The following RNF25 variants were observed in gnomAD, a reference collection of about 807,000 sequenced individuals.
The protein encoded by RNF25 is ring finger protein 25.
A neutral mutation model predicts 65.0 loss-of-function variants in RNF25; 32 were observed. That is an observed-to-expected ratio of 0.49 (90% CI 0.37 to 0.66). RNF25 has a LOEUF of 0.66. Ranked by LOEUF, RNF25 falls within the 30% of genes least tolerant of loss-of-function variation. RNF25 has a pLI of 0.00. For synonymous variants in RNF25, 207 were observed against 221.2 expected (o/e 0.94, Z 0.57); for missense variants, 493 against 584.8 (o/e 0.84, Z 1.62).
intron 7 of RNF25, among the ~76,000 whole-genome samples, chr2:218,665,646 G>T (rs1939807158): frequency 6.6e-6 from 1 of 151,640 alleles, no homozygotes; most frequent in Admixed American, 6.6e-5. Flanking sequence ...GGGAGGCTGA[G>T]GCAGAAGGAT....
chr2:218,668,229 G>C lies in RNF25; in HGVS notation c.219+10C>G. ...TTCCTCCCTTTGCTGCCACACAGTA[G>C]GGGCTTCACCTCTGCTGGGACCTGA... On this transcript the variant is annotated intron_variant, in intron 3 of 9. Transcript: ENST00000295704. 6.2e-7 allele frequency: 1 copy of C among 1,613,684 alleles called. No individual in the cohort carries two copies. Among genetic ancestry groups the C allele is most frequent in the Non-Finnish European group, 8.5e-7 (1 of 1,179,578 alleles).
In RNF25 at chr2:218,665,998, C is replaced by T. The variant is rs938016747; in HGVS notation, c.491G>A (p.Arg164Gln). The change falls in exon 7 of 10, where the codon CGG (arginine) becomes CAG (glutamine). Residue 164 changes from arginine to glutamine, a missense_variant. Arg to Gln is a conservative substitution (Grantham distance 43, BLOSUM62 1). This residue lies in a region of RNF25 where 351 missense variants were observed against 400.2 expected (regional missense o/e 0.88). Coordinates refer to ENST00000295704, the MANE Select transcript of RNF25 (RefSeq NM_022453.3). ...YHYFHCHCLA[R>Q]YIQHMEQELK... Reference sequence around the variant, plus strand: ...CTCTTGCTCCATGTGCTGGATGTACCGAGCAAGGCAGTGGCAGTGGAAGTA... The same window carrying T: ...CTCTTGCTCCATGTGCTGGATGTACTGAGCAAGGCAGTGGCAGTGGAAGTA... The T allele has an allele frequency of 1.9e-6, 3 of 1,614,070 alleles. No homozygotes were observed. Among genetic ancestry groups the T allele is most frequent in the South Asian group, 1.1e-5 (1 of 91,082 alleles).
At position 218,664,532 on chromosome 2, in the gene RNF25, G is replaced by A. The variant is rs1248361083; in HGVS notation, c.805C>T (p.Pro269Ser). The A allele has an allele frequency of 1.2e-6, 2 of 1,611,680 alleles. No homozygotes were observed. Among genetic ancestry groups the A allele is most frequent in the East Asian group, 2.2e-5 (1 of 44,856 alleles). Reference sequence around the variant, plus strand: ...GCTGACTCAGGTTCCGCAGGGGCAGGAGGCTAGAAATAAGTGACAAGATGC... The same window carrying A: ...GCTGACTCAGGTTCCGCAGGGGCAGAAGGCTAGAAATAAGTGACAAGATGC... The part of the protein sequence containing the change: ...NRYFISLQQP[P>S]APAEPESAVD... Residue 269 changes from proline (P) to serine (S), a missense_variant, in exon 10 of 10, where the codon CCT becomes TCT. Pro to Ser is a moderately conservative substitution (Grantham distance 74, BLOSUM62 -1). This residue lies in a region of RNF25 where 351 missense variants were observed against 400.2 expected (regional missense o/e 0.88). Transcript: ENST00000295704. This position sits in a 1 kb window ranked among gnomAD's most constrained non-coding sequence, Gnocchi z 5.1.
In RNF25 at chr2:218,664,239, G is replaced by T. The variant is rs1305047664; in HGVS notation, c.1098C>A (p.Thr366=). 1 of 1,600,312 alleles carries T rather than the reference G, an allele frequency of 6.2e-7. No individual in the cohort carries two copies. The highest frequency in any genetic ancestry group is 1.3e-5 in the African/African-American group (1 of 74,294). ...GAGGTGGCAGTTCCTGGGTGTCACG[G>T]GTACCTTTAGGGGCGTGGCACTCCC... ...KGGECHAPKG[T]RDTQELPPPE... The change falls in exon 10 of 10, where the codon ACC becomes ACA. Residue 366 remains threonine, a synonymous_variant. Transcript: ENST00000295704. The surrounding 1 kb of genome is among the most constrained non-coding windows in gnomAD (Gnocchi z 5.1).
At chr2:218,667,165 C>CA (rs555032127) in intron 5 of RNF25, among the ~76,000 whole-genome samples, 1,156 of 84,586 alleles carry the variant, frequency 0.014, 12 homozygotes, top group African/African-American at 0.03. Context: ...AAGACTGTCT[C>CA]AAAAAAAAAA....
chr2:218,667,482 C>T (rs986828913), intron 5 of RNF25, among the ~76,000 whole-genome samples: 2 of 151,840 alleles, frequency 1.3e-5, no homozygotes, highest in Non-Finnish European at 2.9e-5. Flanking sequence ...TCCCAAGTAA[C>T]TGGGATTACA....
rs1445958280 is a variant in RNF25, at chr2:218,664,654, C to A, written c.801+85G>T. On this transcript the variant is annotated intron_variant, in intron 9 of 9. Transcript: ENST00000295704. This position sits in a 1 kb window ranked among gnomAD's most constrained non-coding sequence, Gnocchi z 5.1. Reference sequence around the variant, plus strand: ...CAGCCTATCATCTTCCTGGTTAGAACAAAGCTCACTCTGGGGCCATGGCTG... The same window carrying A: ...CAGCCTATCATCTTCCTGGTTAGAAAAAAGCTCACTCTGGGGCCATGGCTG... 5.6e-6 allele frequency: 9 copies of A among 1,594,940 alleles called. No individual in the cohort carries two copies. The highest frequency in any genetic ancestry group is 1.1e-5 in the South Asian group (1 of 87,840).
intron 1 of RNF25, 150 bp downstream of exon 1, chr2:218,671,780 C>A: frequency 1.1e-6 from 1 of 895,710 alleles, no homozygotes. Flanking sequence ...TCCCGTTCCC[C>A]AGTCCAGCTT....
At position 218,671,975 on chromosome 2, in the gene RNF25, T is replaced by G. The variant is rs1939996715; in HGVS notation, c.-5A>C. 2 of 1,614,042 alleles carry G rather than the reference T, an allele frequency of 1.2e-6. No individual in the cohort carries two copies. The highest frequency in any genetic ancestry group is 1.7e-6 in the Non-Finnish European group (2 of 1,180,030). ...TGCAGACGCAGACGCCGCCATATCT[T>G]CACCGGCCCGCAGCCGGAACCGGAA... On this transcript the variant is annotated 5_prime_UTR_variant, in exon 1 of 10. Transcript: ENST00000295704.
rs1261743793 is a variant in RNF25, at chr2:218,668,800, ACTC to A, written c.42-124_42-122del. 3.2e-5 allele frequency: 23 copies of A among 710,886 alleles called. No individual in the cohort carries two copies. In the Admixed American group the frequency reaches 5.1e-4, roughly 16 times the overall value. The allele number at this position is 710,886 out of a possible 1,614,324, so 44.0% of individuals were successfully genotyped here. A position where few individuals can be genotyped will look rare whatever the true frequency, so the allele number is the denominator to read the frequency against. On this transcript the variant is annotated intron_variant, in intron 1 of 9. Coordinates refer to ENST00000295704, the MANE Select transcript of RNF25 (RefSeq NM_022453.3). The stretch of plus-strand genomic sequence containing the variant: ...CTACCAGAATGCATTCTCCTGCTAA[ACTC>A]CTTAAAAACAAGGAATATGTTACCT...
chr2:218,664,960 T>C lies in RNF25; in HGVS notation c.667-87A>G. 1 of 1,562,766 alleles carries C rather than the reference T, an allele frequency of 6.4e-7. No homozygotes were observed. The highest frequency in any genetic ancestry group is 8.7e-7 in the Non-Finnish European group (1 of 1,150,360). ...TCCTCCCAGGCTGCCTCAGGAGATCTGCACTGGTTTTGCCCCTCAGGTCTG... is the reference window on the plus strand; with the variant it reads ...TCCTCCCAGGCTGCCTCAGGAGATCCGCACTGGTTTTGCCCCTCAGGTCTG... On this transcript the variant is annotated intron_variant, in intron 8 of 9. Transcript: ENST00000295704. The surrounding 1 kb of genome is among the most constrained non-coding windows in gnomAD (Gnocchi z 5.1).
At chr2:218,671,522 G>C (rs1477710511) in intron 1 of RNF25, among the ~76,000 whole-genome samples, 2 of 152,170 alleles carry the variant, frequency 1.3e-5, no homozygotes, top group Admixed American at 1.3e-4. Flanking sequence ...AGCGTCGGCG[G>C]AAAAAGGCTG....
intron 1 of RNF25, 43 bp from the exon 2 acceptor site, chr2:218,668,722 C>T (rs1189141400): frequency 7.3e-7 from 1 of 1,367,586 alleles, no homozygotes; most frequent in Non-Finnish European, 1.0e-6. Flanking sequence ...ACAGCTCTCC[C>T]TGTGGAAGCC....
At chr2:218,668,364 C>G (rs140401968) in intron 2 of RNF25, 23 bp from the exon 3 acceptor site, 5 of 1,514,838 alleles carry the variant, frequency 3.3e-6, no homozygotes, top group African/African-American at 1.4e-5. Context: ...CAAGTGGACA[C>G]GCAGATGTGA....
chr2:218,666,035 G>A lies in RNF25; in HGVS notation c.454C>T (p.Pro152Ser), dbSNP rs753290108. The change falls in exon 7 of 10, where the codon CCC (proline) becomes TCC (serine). Residue 152 changes from proline to serine, a missense_variant. By Grantham distance (74) the Pro-to-Ser change is moderately conservative. Transcript: ENST00000295704. ...TGGCAGTGGAAGTAGTGGTAACAGG[G>A]TGTTTTGGTAAAGGCCTCCTTCTCC... is the stretch of plus-strand genomic sequence containing the variant. ...FQEKEAFTKT[P>S]CYHYFHCHCL... is the part of the protein sequence containing the mutation. 2.0e-5 allele frequency: 33 copies of A among 1,613,956 alleles called. No individual in the cohort carries two copies. Among genetic ancestry groups the A allele is most frequent in the Middle Eastern group, 1.6e-4 (1 of 6,084 alleles).
chr2:218,668,436 T>A, intron 2 of RNF25, 95 bp from the exon 3 acceptor site: 1 of 1,022,534 alleles, frequency 9.8e-7, no homozygotes, highest in Non-Finnish European at 1.5e-6. Context: ...GCAAAGGAAG[T>A]ACACATTGGA....
At chr2:218,669,073 A>C (rs1457712482) in intron 1 of RNF25, among the ~76,000 whole-genome samples, 1 of 151,984 alleles carries the variant, frequency 6.6e-6, no homozygotes, top group Non-Finnish European at 1.5e-5. Context: ...TATTACTCCA[A>C]CCTTTCCCTA....
intron 1 of RNF25, among the ~76,000 whole-genome samples, chr2:218,671,103 G>A (rs1939954907): frequency 6.6e-6 from 1 of 152,226 alleles, no homozygotes; most frequent in African/African-American, 2.4e-5. Context: ...AGCCTGGGGA[G>A]GTCGAGGCTG....
chr2:218,671,798 G>A, intron 1 of RNF25, 132 bp downstream of exon 1: 2 of 985,670 alleles, frequency 2.0e-6, no homozygotes, highest in South Asian at 3.1e-5. Flanking sequence ...CTTTCCCAGA[G>A]ATGTCAGCAT....
Sources: allele counts gnomAD v4.1 joint callset (sites outside exome capture counted in the v4.1 genomes callset), GRCh38; gene constraint gnomAD v4.1.1; regional missense constraint gnomAD v4.1.1; non-coding constraint Gnocchi (gnomAD v3.1); transcripts MANE v1.5; gene names NCBI Gene and HGNC (gene_info 2026-07-23, HGNC 2026-07-21).